The following SLC44A5 variants were observed in gnomAD, a reference collection of about 807,000 sequenced individuals.
SLC44A5 encodes the protein choline transporter-like protein 5.
SLC44A5 carries 57 observed loss-of-function variants against 101.8 expected under a neutral mutation model. The ratio of observed to expected loss-of-function variants is 0.56; its 90% confidence interval spans 0.45 to 0.70. The LOEUF (loss-of-function observed/expected upper bound fraction) is 0.70, where lower values mean the gene tolerates loss of function less well. Ranked by LOEUF, SLC44A5 falls within the 30% of genes least tolerant of loss-of-function variation. The pLI is 0.00. For missense variants in SLC44A5, 737 were observed against 853.1 expected (o/e 0.86, Z 1.70); for synonymous variants, 281 against 290.9 (o/e 0.97, Z 0.35).
intron 6 of SLC44A5, among the ~76,000 whole-genome samples, chr1:75,268,477 C>A (rs975338881): frequency 9.9e-5 from 15 of 152,038 alleles, no homozygotes; most frequent in Non-Finnish European, 1.3e-4. Flanking sequence ...TTAACTTAAA[C>A]GTAGGCTTCA....
At chr1:75,375,732 T>A (rs1306806195) in intron 3 of SLC44A5, among the ~76,000 whole-genome samples, 1 of 152,208 alleles carries the variant, frequency 6.6e-6, no homozygotes, top group Non-Finnish European at 1.5e-5. Flanking sequence ...AACCAAGTAT[T>A]TTGTATCTCA....
intron 2 of SLC44A5, among the ~76,000 whole-genome samples, chr1:75,450,511 C>CTG (rs963554233): frequency 1.3e-5 from 2 of 152,306 alleles, no homozygotes; most frequent in African/African-American, 4.8e-5. Context: ...ATAGCAAGAA[C>CTG]TGTGGAACAC....
chr1:75,516,386 G>A (rs977891964), intron 2 of SLC44A5, among the ~76,000 whole-genome samples: 4 of 151,980 alleles, frequency 2.6e-5, no homozygotes, highest in African/African-American at 7.3e-5. Flanking sequence ...TGGTGGTGGC[G>A]GGCGCCTGTA....
intron 2 of SLC44A5, among the ~76,000 whole-genome samples, chr1:75,450,125 C>T (rs796083251): frequency 5.3e-5 from 8 of 152,234 alleles, no homozygotes; most frequent in African/African-American, 1.4e-4. Context: ...GAGGTGAACA[C>T]GAGCAAACTT....
chr1:75,451,965 G>T (rs1164891624), intron 2 of SLC44A5, among the ~76,000 whole-genome samples: 1 of 152,022 alleles, frequency 6.6e-6, no homozygotes, highest in Non-Finnish European at 1.5e-5. Flanking sequence ...GATACAACCT[G>T]GAAAACATAT....
the SLC44A5 span, among the ~76,000 whole-genome samples, chr1:75,625,783 C>T: frequency 6.6e-6 from 1 of 152,136 alleles, no homozygotes; most frequent in African/African-American, 2.4e-5. Flanking sequence ...CACCATACCC[C>T]TGTAGTTTCT....
At chr1:75,711,067 C>T in the SLC44A5 span, among the ~76,000 whole-genome samples, 10 of 152,196 alleles carry the variant, frequency 6.6e-5, no homozygotes, top group Non-Finnish European at 1.3e-4. Context: ...CAACCAACAT[C>T]TCTGCTTCTA....
At chr1:75,527,236 G>A (rs1250293920) in intron 2 of SLC44A5, among the ~76,000 whole-genome samples, 1 of 147,220 alleles carries the variant, frequency 6.8e-6, no homozygotes, top group African/African-American at 2.5e-5. Context: ...GAGAGAGAGA[G>A]AAAAAGTGAG....
At chr1:75,378,971 A>C (rs1250437556) in intron 3 of SLC44A5, among the ~76,000 whole-genome samples, 1 of 80,906 alleles carries the variant, frequency 1.2e-5, no homozygotes, top group Non-Finnish European at 2.1e-5. Context: ...ACCACCTAGT[A>C]GACAGGGTAG....
At chr1:75,548,561 A>G (rs1199416001) in intron 1 of SLC44A5, among the ~76,000 whole-genome samples, 2 of 152,120 alleles carry the variant, frequency 1.3e-5, no homozygotes, top group Non-Finnish European at 2.9e-5. Flanking sequence ...TCAAGTAACC[A>G]TGTCAAGAAA....
chr1:75,281,968 T>C (rs1652633344), intron 5 of SLC44A5, among the ~76,000 whole-genome samples: 1 of 152,160 alleles, frequency 6.6e-6, no homozygotes, highest in South Asian at 2.1e-4. Context: ...CACTGGGGCA[T>C]TGCCTAGTGC....
At chr1:75,462,127 C>T (rs542309884) in intron 2 of SLC44A5, among the ~76,000 whole-genome samples, 13 of 152,292 alleles carry the variant, frequency 8.5e-5, no homozygotes, top group African/African-American at 2.2e-4. Context: ...ACATTCCTAG[C>T]GGTAGTAGCC....
At chr1:75,524,548 T>C (rs1670314358) in intron 2 of SLC44A5, among the ~76,000 whole-genome samples, 1 of 152,184 alleles carries the variant, frequency 6.6e-6, no homozygotes, top group African/African-American at 2.4e-5. Flanking sequence ...CCCAAACTTG[T>C]ATGATATGAG....
At chr1:75,315,989 T>A (rs1213503960) in intron 4 of SLC44A5, among the ~76,000 whole-genome samples, 4 of 152,210 alleles carry the variant, frequency 2.6e-5, no homozygotes, top group African/African-American at 9.6e-5. Flanking sequence ...CATCATCTCT[T>A]ATATCTGGAG....
the SLC44A5 span, among the ~76,000 whole-genome samples, chr1:75,620,613 C>T: frequency 6.6e-6 from 1 of 152,118 alleles, no homozygotes; most frequent in Non-Finnish European, 1.5e-5. Flanking sequence ...TGTTTCCTGG[C>T]CACACAAATG....
chr1:75,318,543 G>T (rs888384324), intron 4 of SLC44A5, among the ~76,000 whole-genome samples: 1 of 152,132 alleles, frequency 6.6e-6, no homozygotes, highest in African/African-American at 2.4e-5. Flanking sequence ...CAAAAGCACA[G>T]ATCAGTAAGT....
chr1:75,375,990 C>T (rs200362402), intron 3 of SLC44A5, among the ~76,000 whole-genome samples: 11 of 152,066 alleles, frequency 7.2e-5, no homozygotes, highest in Non-Finnish European at 7.4e-5. Context: ...GCACCGTGTG[C>T]GAGCCGAAGC....
At chr1:75,491,762 G>A (rs1668439120) in intron 2 of SLC44A5, among the ~76,000 whole-genome samples, 1 of 151,994 alleles carries the variant, frequency 6.6e-6, no homozygotes, top group Non-Finnish European at 1.5e-5. Flanking sequence ...GTATTATGCA[G>A]GTTTTTGGTA....
intron 3 of SLC44A5, among the ~76,000 whole-genome samples, chr1:75,378,038 G>T (rs1211378508): frequency 1.3e-5 from 1 of 76,736 alleles, no homozygotes; most frequent in African/African-American, 8.5e-5. Flanking sequence ...GTGTGTAGGG[G>T]CAACCCACCC....
Sources: gnomAD v4.1 joint callset for allele counts (sites outside exome capture counted in the v4.1 genomes callset) on GRCh38, gnomAD v4.1.1 for gene constraint, MANE v1.5 for transcripts, NCBI Gene and HGNC (gene_info 2026-07-23, HGNC 2026-07-21) for gene names.